UNC13C: variants seen among roughly 807,000 people sequenced by gnomAD.
The protein encoded by UNC13C is protein unc-13 homolog C.
UNC13C carries 174 observed loss-of-function variants against 245.4 expected under a neutral mutation model. The ratio of observed to expected loss-of-function variants is 0.71; its 90% confidence interval spans 0.63 to 0.80. The LOEUF (loss-of-function observed/expected upper bound fraction) is 0.80, where lower values mean the gene tolerates loss of function less well. Among genes scored for constraint, UNC13C ranks in the 30% least tolerant of loss-of-function variants. The probability of loss-of-function intolerance (pLI) is 0.00; values close to 1 mark genes in which losing one functional copy is unlikely to be tolerated. For synonymous variants in UNC13C, 992 were observed against 895.1 expected (o/e 1.11, Z -1.93); for missense variants, 2,829 against 2,602.9 (o/e 1.09, Z -1.89).
intron 22 of UNC13C, among the ~76,000 whole-genome samples, chr15:54,503,040 G>C (rs1018047616): frequency 1.4e-5 from 2 of 140,302 alleles, no homozygotes; most frequent in Non-Finnish European, 3.1e-5. Flanking sequence ...GGTCATATTA[G>C]AATCACACTC....
rs186061958 is a variant in UNC13C at position 54,100,069 on chromosome 15, G to A, written c.2984-42949G>A. ...CAGCAAAGATCCTGCTACTGCTACC[G>A]CACTCCAGCATGGGCAAAAGAGTGA... On this transcript the variant is annotated intron_variant, in intron 2 of 32. Transcript: ENST00000260323. 1.7e-4 allele frequency among the ~76,000 whole-genome samples: 23 copies of A among 136,840 alleles called. No homozygotes were observed. The East Asian group carries it at 3.6e-3, about 22-fold the overall frequency. The allele number at this position is 136,840 out of a possible 152,430, so 89.8% of individuals were successfully genotyped here.
At chr15:53,901,218 C>CTTTTTTTTTTTTTTTTTTTTATTTT in the UNC13C span, among the ~76,000 whole-genome samples, 1 of 104,830 alleles carries the variant, frequency 9.5e-6, no homozygotes, top group Non-Finnish European at 1.9e-5. Flanking sequence ...TCATAGATTT[C>CTTTTTTTTTTTTTTTTTTTTATTTT]TTTTTTTTTT....
At chr15:54,404,423 C>T (rs1189323267) in intron 18 of UNC13C, among the ~76,000 whole-genome samples, 1 of 152,020 alleles carries the variant, frequency 6.6e-6, no homozygotes, top group Non-Finnish European at 1.5e-5. Flanking sequence ...AGATTTAAAA[C>T]ATTTGTGCTT....
At chr15:54,107,264 A>G (rs563039173) in intron 2 of UNC13C, among the ~76,000 whole-genome samples, 2 of 152,150 alleles carry the variant, frequency 1.3e-5, no homozygotes, top group Non-Finnish European at 2.9e-5. Flanking sequence ...CAGCTGAAAA[A>G]ATGAGGGCTA....
chr15:54,600,828 G>A (rs188907203), intron 30 of UNC13C, among the ~76,000 whole-genome samples: 2 of 152,210 alleles, frequency 1.3e-5, no homozygotes, highest in Admixed American at 1.3e-4. Context: ...CAATCTAGAT[G>A]TGGATGATAT....
At chr15:53,969,330 C>T in the UNC13C span, among the ~76,000 whole-genome samples, 1 of 152,094 alleles carries the variant, frequency 6.6e-6, no homozygotes, top group Non-Finnish European at 1.5e-5. Flanking sequence ...AGCATTCTAT[C>T]CTCTAACTCA....
intron 4 of UNC13C, among the ~76,000 whole-genome samples, chr15:54,167,010 T>TCA (rs1243623218): frequency 1.3e-5 from 2 of 152,210 alleles, no homozygotes; most frequent in Non-Finnish European, 2.9e-5. Flanking sequence ...TATAAAGAAC[T>TCA]TGAATATTCA....
chr15:54,061,831 A>T (rs1897850482), intron 2 of UNC13C, among the ~76,000 whole-genome samples: 1 of 152,128 alleles, frequency 6.6e-6, no homozygotes, highest in African/African-American at 2.4e-5. Context: ...AAGATTGAAA[A>T]CCAGAAAGAG....
intron 2 of UNC13C, among the ~76,000 whole-genome samples, chr15:54,078,338 C>T (rs1056008024): frequency 6.6e-6 from 1 of 152,088 alleles, no homozygotes; most frequent in Non-Finnish European, 1.5e-5. Context: ...ATTTATTTTC[C>T]TTTAGGTAGA....
intron 8 of UNC13C, among the ~76,000 whole-genome samples, chr15:54,260,425 G>C (rs1200562009): frequency 6.6e-6 from 1 of 151,918 alleles, no homozygotes; most frequent in Non-Finnish European, 1.5e-5. Flanking sequence ...GGTGACTTTA[G>C]AGTAGAAATG....
intron 27 of UNC13C, among the ~76,000 whole-genome samples, chr15:54,548,462 A>G (rs1183806876): frequency 6.6e-6 from 1 of 151,814 alleles, no homozygotes; most frequent in African/African-American, 2.4e-5. Context: ...ATATTCCTTG[A>G]GGCAACCATT....
intron 4 of UNC13C, among the ~76,000 whole-genome samples, chr15:54,177,044 C>A (rs2033638924): frequency 6.6e-6 from 1 of 152,018 alleles, no homozygotes; most frequent in African/African-American, 2.4e-5. Context: ...GAATACTTTT[C>A]TCTTATTATA....
intron 2 of UNC13C, among the ~76,000 whole-genome samples, chr15:54,025,102 C>T (rs184555416): frequency 2.0e-5 from 3 of 152,082 alleles, no homozygotes; most frequent in Non-Finnish European, 2.9e-5. Flanking sequence ...ATAGGCAATG[C>T]CAAAAGGTCC....
chr15:53,942,737 C>A, the UNC13C span, among the ~76,000 whole-genome samples: 1 of 152,152 alleles, frequency 6.6e-6, no homozygotes, highest in South Asian at 2.1e-4. Flanking sequence ...GATCTTGGCT[C>A]AGTGCAACTT....
intron 26 of UNC13C, among the ~76,000 whole-genome samples, chr15:54,533,825 T>C (rs1273664358): frequency 1.3e-5 from 2 of 152,134 alleles, no homozygotes; most frequent in African/African-American, 2.4e-5. Flanking sequence ...ACAGTTGGGA[T>C]TGGGAATCAT....
intron 4 of UNC13C, among the ~76,000 whole-genome samples, chr15:54,225,098 CAT>C (rs1430582165): frequency 1.9e-5 from 2 of 107,216 alleles, no homozygotes; most frequent in Non-Finnish European, 3.9e-5. Context: ...AGCTTTTTTT[CAT>C]TGATCTTTTG....
chr15:53,925,529 G>A, the UNC13C span, among the ~76,000 whole-genome samples: 9 of 152,180 alleles, frequency 5.9e-5, no homozygotes, highest in African/African-American at 2.2e-4. Flanking sequence ...AGCTTGTCTT[G>A]CAGAATAGAA....
chr15:54,250,931 T>G (rs2036136190), intron 8 of UNC13C, among the ~76,000 whole-genome samples: 2 of 151,592 alleles, frequency 1.3e-5, no homozygotes, highest in Non-Finnish European at 2.9e-5. Flanking sequence ...TAATTTTTTG[T>G]ATTTTTAGTA....
At chr15:53,957,074 A>G in the UNC13C span, among the ~76,000 whole-genome samples, 1 of 152,218 alleles carries the variant, frequency 6.6e-6, no homozygotes, top group Non-Finnish European at 1.5e-5. Flanking sequence ...TGTGTTCATT[A>G]TGACAATATT....
Sources: allele counts gnomAD v4.1 joint callset (sites outside exome capture counted in the v4.1 genomes callset), GRCh38; gene constraint gnomAD v4.1.1; transcripts MANE v1.5; gene names NCBI Gene and HGNC (gene_info 2026-07-23, HGNC 2026-07-21).